AHI1: variants seen among roughly 807,000 people sequenced by gnomAD.
AHI1 encodes the protein jouberin.
Under a neutral mutation model 149.3 loss-of-function variants are expected in AHI1, and 123 were observed. That is an observed-to-expected ratio of 0.82 (90% CI 0.71 to 0.96). The LOEUF is 0.96. Ranked by LOEUF, AHI1 falls within the 40% of genes least tolerant of loss-of-function variation. AHI1 has a pLI of 0.00. For synonymous variants in AHI1, 475 were observed against 459.8 expected, an observed-to-expected ratio of 1.03 and a Z score of -0.42; for missense variants, 1,439 against 1,422.7, an observed-to-expected ratio of 1.01 and a Z score of -0.18.
At chr6:135,285,671 G>A (rs756467270) in intron 28 of AHI1, 24 bp from the exon 29 acceptor site, 1 of 1,587,848 alleles carries the variant, frequency 6.3e-7, no homozygotes, top group Non-Finnish European at 8.6e-7. Flanking sequence ...TACACAAAAT[G>A]TACTAAATAA....
chr6:135,326,347 T>C (rs1235253062), intron 24 of AHI1, among the ~76,000 whole-genome samples: 3 of 152,164 alleles, frequency 2.0e-5, no homozygotes, highest in Admixed American at 1.3e-4. Context: ...GGAGAGGCAG[T>C]AGGAGAAACC....
intron 20 of AHI1, among the ~76,000 whole-genome samples, chr6:135,426,417 A>G (rs1049418615): frequency 2.6e-5 from 4 of 151,726 alleles, no homozygotes; most frequent in Non-Finnish European, 5.9e-5. Context: ...TAATTGCCTA[A>G]TTACTTAGTA....
intron 23 of AHI1, among the ~76,000 whole-genome samples, chr6:135,374,081 CATATATATATAT>C (rs1180224509): frequency 2.2e-4 from 11 of 50,300 alleles, no homozygotes; most frequent in African/African-American, 7.6e-4. Context: ...TTTATATATA[CATATATATATAT>C]ATATATATAT....
chr6:135,286,316 C>T (rs1460378737), intron 28 of AHI1: 1 of 152,286 alleles, frequency 6.6e-6, no homozygotes, highest in African/African-American at 2.4e-5. Context: ...TGCACTACAA[C>T]TAGTGTGAGA....
intron 6 of AHI1, among the ~76,000 whole-genome samples, chr6:135,467,064 C>T (rs1332951978): frequency 6.6e-6 from 1 of 152,144 alleles, no homozygotes; most frequent in Non-Finnish European, 1.5e-5. Flanking sequence ...CTGGGATGAA[C>T]AGCTCTGTTT....
intron 14 of AHI1, among the ~76,000 whole-genome samples, chr6:135,440,668 C>G (rs1255769359): frequency 6.6e-6 from 1 of 152,100 alleles, no homozygotes; most frequent in East Asian, 1.9e-4. Flanking sequence ...GACCAGTAGA[C>G]CTATCCACTC....
At chr6:135,454,528 G>A (rs1788616345) in intron 10 of AHI1, among the ~76,000 whole-genome samples, 1 of 151,850 alleles carries the variant, frequency 6.6e-6, no homozygotes. Context: ...ACATCTTCAC[G>A]GACTTGTCAT....
chr6:135,446,442 C>T (rs1358405660), intron 13 of AHI1, among the ~76,000 whole-genome samples: 3 of 152,122 alleles, frequency 2.0e-5, no homozygotes, highest in African/African-American at 7.2e-5. Context: ...GCACTGAATG[C>T]TATGTCCTCT....
chr6:135,441,282 T>C (rs1177021445), intron 14 of AHI1, among the ~76,000 whole-genome samples: 2 of 151,634 alleles, frequency 1.3e-5, no homozygotes, highest in African/African-American at 4.8e-5. Context: ...TTATCCAGTC[T>C]GAAAAAAGCA....
chr6:135,482,893 G>GGTTTTTTTTT, intron 5 of AHI1, among the ~76,000 whole-genome samples: 1 of 5,796 alleles, frequency 1.7e-4, no homozygotes, highest in African/African-American at 7.0e-4. Flanking sequence ...TCCATTTAAG[G>GGTTTTTTTTT]CTTTTTTTTT....
intron 22 of AHI1, among the ~76,000 whole-genome samples, chr6:135,399,846 G>A (rs1779767689): frequency 6.6e-6 from 1 of 151,020 alleles, no homozygotes; most frequent in Non-Finnish European, 1.5e-5. Context: ...ACTATAGTTT[G>A]TACTACTCTT....
intron 27 of AHI1, among the ~76,000 whole-genome samples, chr6:135,299,966 GTTTAA>G (rs1267793444): frequency 3.9e-5 from 6 of 152,142 alleles, no homozygotes; most frequent in African/African-American, 1.4e-4. Context: ...TGTGATACTA[GTTTAA>G]TAGGATTTCT....
At chr6:135,308,800 T>A (rs1324925808) in intron 26 of AHI1, among the ~76,000 whole-genome samples, 2 of 152,338 alleles carry the variant, frequency 1.3e-5, no homozygotes, top group East Asian at 3.9e-4. Flanking sequence ...AATGACACAT[T>A]CCCTAAACCT....
At chr6:135,452,281 ATAAT>A (rs1788243628) in intron 11 of AHI1, among the ~76,000 whole-genome samples, 2 of 152,378 alleles carry the variant, frequency 1.3e-5, no homozygotes, top group African/African-American at 2.4e-5. Flanking sequence ...ATGGTACAAA[ATAAT>A]TACTCAAGAC....
At chr6:135,397,446 T>C (rs988346781) in intron 22 of AHI1, among the ~76,000 whole-genome samples, 1 of 151,996 alleles carries the variant, frequency 6.6e-6, no homozygotes, top group Non-Finnish European at 1.5e-5. Flanking sequence ...AACCACAGTC[T>C]GCCAAAGTCA....
Position 135,302,374 on chromosome 6 carries a change from T to C in AHI1, c.3427-1816A>G, listed in dbSNP as rs1362150739. ...ATACCAGTGTTAAGCCAATGTTACTTTTAATTATTTTTTGTTATCCTGAAA... is the reference window on the plus strand; with the variant it reads ...ATACCAGTGTTAAGCCAATGTTACTCTTAATTATTTTTTGTTATCCTGAAA... On this transcript the variant is annotated intron_variant, in intron 26 of 28. Coordinates refer to ENST00000265602, the MANE Select transcript of AHI1 (RefSeq NM_001134831.2). 4 of 989,056 alleles carry C rather than the reference T, an allele frequency of 4.0e-6. No homozygotes were observed. The African/African-American group carries it at 7.0e-5, about 17-fold the overall frequency. The allele number at this position is 989,056 out of a possible 1,614,324, so 61.3% of individuals were successfully genotyped here.
At chr6:135,338,270 A>C (rs2128407606) in intron 24 of AHI1, among the ~76,000 whole-genome samples, 1 of 148,358 alleles carries the variant, frequency 6.7e-6, no homozygotes, top group East Asian at 2.0e-4. Flanking sequence ...ACTGAACTCC[A>C]GCCTGGGTGA....
At position 135,494,325 on chromosome 6, in the gene AHI1, T is replaced by C. The variant is rs114519025; in HGVS notation, c.-55+1489A>G. On this transcript the variant is annotated intron_variant, in intron 3 of 28. Coordinates refer to ENST00000265602, the MANE Select transcript of AHI1 (RefSeq NM_001134831.2). ...AGAAGAAGCAACAATAAATGTTAGC[T>C]ATAACTGTAACAGGTTGTTAGGGTG... Among the ~76,000 whole-genome samples the C allele has an allele frequency of 9.3e-3, 1,423 of 152,350 alleles. 33 individuals are homozygous for C. Among genetic ancestry groups the C allele is most frequent in the African/African-American group, 0.033 (1,360 of 41,568 alleles).
chr6:135,465,734 A>T, intron 7 of AHI1, 80 bp downstream of exon 7: 1 of 1,207,212 alleles, frequency 8.3e-7, no homozygotes, highest in Non-Finnish European at 1.1e-6. Context: ...TTTCTTTGTT[A>T]AACCACAGAT....
Sources: gnomAD v4.1 joint callset for allele counts (sites outside exome capture counted in the v4.1 genomes callset) on GRCh38, gnomAD v4.1.1 for gene constraint, MANE v1.5 for transcripts, NCBI Gene and HGNC (gene_info 2026-07-23, HGNC 2026-07-21) for gene names.